The following PREX2 variants were observed in gnomAD, a reference collection of about 807,000 sequenced individuals.
The protein encoded by PREX2 is phosphatidylinositol 3,4,5-trisphosphate-dependent Rac exchanger 2 protein.
PREX2 carries 107 observed loss-of-function variants against 203.2 expected under a neutral mutation model. The ratio of observed to expected loss-of-function variants is 0.53; its 90% CI spans 0.45 to 0.62. The LOEUF is 0.62. Ranked by LOEUF, PREX2 falls within the 20% of genes least tolerant of loss-of-function variation. PREX2 has a pLI of 0.00. For synonymous variants in PREX2, 672 were observed against 663.6 expected, an observed-to-expected ratio of 1.01 and a Z score of -0.19; for missense variants, 1,777 against 1,955.9, an observed-to-expected ratio of 0.91 and a Z score of 1.72.
At chr8:68,080,898 C>G in intron 17 of PREX2, 60 bp downstream of exon 17, 1 of 931,226 alleles carries the variant, frequency 1.1e-6, no homozygotes, top group Non-Finnish European at 1.7e-6. Flanking sequence ...TAGAGAAATT[C>G]TAAACAAACT....
At position 68,030,483 on chromosome 8, in the gene PREX2, T is replaced by C. The variant is rs1350542633; in HGVS notation, c.544-14T>C. 4 of 1,610,404 alleles carry C rather than the reference T, an allele frequency of 2.5e-6. No individual in the cohort carries two copies. Among genetic ancestry groups the C allele is most frequent in the African/African-American group, 2.7e-5 (2 of 74,774 alleles). On this transcript the variant is annotated splice_polypyrimidine_tract_variant and intron_variant, in intron 5 of 39. Transcript: ENST00000288368. Reference sequence around the variant, plus strand: ...GAAGATCAAAGGGCGATTTGTTTTTTTGTGTATAAACAGGAGTTGCTGAAG... The same window carrying C: ...GAAGATCAAAGGGCGATTTGTTTTTCTGTGTATAAACAGGAGTTGCTGAAG...
intron 15 of PREX2, among the ~76,000 whole-genome samples, chr8:68,078,033 G>A (rs1475829169): frequency 6.6e-6 from 1 of 152,064 alleles, no homozygotes; most frequent in Non-Finnish European, 1.5e-5. Context: ...GCCCTGGGAT[G>A]ACTTCAAGTA....
At chr8:68,029,895 A>G (rs985473389) in intron 5 of PREX2, among the ~76,000 whole-genome samples, 2 of 152,174 alleles carry the variant, frequency 1.3e-5, no homozygotes, top group East Asian at 1.9e-4. Context: ...TGAGGGGTAT[A>G]TGGCAGTTCA....
intron 9 of PREX2, among the ~76,000 whole-genome samples, chr8:68,055,020 A>G (rs558646196): frequency 3.9e-4 from 59 of 152,316 alleles, no homozygotes; most frequent in African/African-American, 1.3e-3. Context: ...CCTTATTTGC[A>G]GTGAGTTGAA....
chr8:68,223,287 T>C (rs1812992752), intron 38 of PREX2: 1 of 152,240 alleles, frequency 6.6e-6, no homozygotes, highest in Non-Finnish European at 1.5e-5. Context: ...TAAAAAGTTT[T>C]CTTTGTTTGT....
intron 1 of PREX2, among the ~76,000 whole-genome samples, chr8:67,955,745 G>T (rs74833244): frequency 6.6e-6 from 1 of 152,184 alleles, no homozygotes; most frequent in Non-Finnish European, 1.5e-5. Context: ...CTGAGTGCAT[G>T]CATGAATCAA....
At chr8:68,132,546 C>T (rs776555685) in intron 31 of PREX2, among the ~76,000 whole-genome samples, 2 of 151,596 alleles carry the variant, frequency 1.3e-5, no homozygotes, top group African/African-American at 4.8e-5. Flanking sequence ...ACAGTGAAAC[C>T]GAGTATCATA....
intron 35 of PREX2, among the ~76,000 whole-genome samples, chr8:68,167,608 C>T (rs562457183): frequency 6.6e-6 from 1 of 152,270 alleles, no homozygotes; most frequent in South Asian, 2.1e-4. Context: ...GCTGGGATTA[C>T]AGGCATGAGA....
At chr8:67,975,025 C>T (rs888139208) in intron 1 of PREX2, among the ~76,000 whole-genome samples, 5 of 152,150 alleles carry the variant, frequency 3.3e-5, no homozygotes, top group Non-Finnish European at 4.4e-5. Flanking sequence ...GCTTGTGCAC[C>T]TCTCTCTGGA....
At chr8:67,960,154 G>A (rs1585654592) in intron 1 of PREX2, among the ~76,000 whole-genome samples, 1 of 151,972 alleles carries the variant, frequency 6.6e-6, no homozygotes, top group African/African-American at 2.4e-5. Context: ...CGATTCTCCT[G>A]CCTCAGCCTC....
intron 1 of PREX2, among the ~76,000 whole-genome samples, chr8:67,965,465 A>T: frequency 6.6e-6 from 1 of 151,898 alleles, no homozygotes; most frequent in East Asian, 1.9e-4. Flanking sequence ...TAGTTTGTAT[A>T]ATTAACATAT....
chr8:68,102,097 G>A (rs984302365), intron 23 of PREX2, among the ~76,000 whole-genome samples: 1 of 152,164 alleles, frequency 6.6e-6, no homozygotes, highest in Non-Finnish European at 1.5e-5. Context: ...AATGATGTTA[G>A]ATGATAAAAA....
intron 35 of PREX2, among the ~76,000 whole-genome samples, chr8:68,169,135 T>A (rs561625062): frequency 9.9e-5 from 15 of 152,260 alleles, no homozygotes; most frequent in African/African-American, 3.6e-4. Flanking sequence ...TTCTTTCCTC[T>A]GTGTGGCCTT....
chr8:68,123,650 C>T (rs1178867694), intron 30 of PREX2, among the ~76,000 whole-genome samples: 2 of 151,750 alleles, frequency 1.3e-5, no homozygotes, highest in East Asian at 3.9e-4. Flanking sequence ...ACATAAACTA[C>T]AAAATCTAAA....
chr8:67,963,604 G>A (rs1339235983), intron 1 of PREX2, among the ~76,000 whole-genome samples: 1 of 151,706 alleles, frequency 6.6e-6, no homozygotes, highest in Admixed American at 6.6e-5. Flanking sequence ...CCCAGATTAC[G>A]CTAAAACTGC....
intron 37 of PREX2, among the ~76,000 whole-genome samples, chr8:68,216,369 C>T (rs560939444): frequency 6.6e-6 from 1 of 152,146 alleles, no homozygotes; most frequent in South Asian, 2.1e-4. Context: ...TAGGAAAATA[C>T]ACAAATCAAC....
chr8:68,125,808 G>C (rs1048411421), intron 30 of PREX2, among the ~76,000 whole-genome samples: 1 of 151,854 alleles, frequency 6.6e-6, no homozygotes, highest in African/African-American at 2.4e-5. Flanking sequence ...CCCTGCATTT[G>C]TCCCAATATT....
chr8:68,204,975 C>T (rs1271380746), intron 37 of PREX2, among the ~76,000 whole-genome samples: 2 of 152,162 alleles, frequency 1.3e-5, no homozygotes, highest in East Asian at 3.9e-4. Flanking sequence ...GCCACCACGC[C>T]CGGCCCCCTC....
chr8:68,141,440 A>G (rs1811228253), intron 33 of PREX2, among the ~76,000 whole-genome samples: 1 of 152,180 alleles, frequency 6.6e-6, no homozygotes, highest in East Asian at 1.9e-4. Context: ...GTTGGGAATA[A>G]GGAATTAGGA....
Sources: gnomAD v4.1 joint callset for allele counts (sites outside exome capture counted in the v4.1 genomes callset) on GRCh38, gnomAD v4.1.1 for gene constraint, MANE v1.5 for transcripts, NCBI Gene and HGNC (gene_info 2026-07-23, HGNC 2026-07-21) for gene names.